Variants in SCHIP1 observed in about 807,000 individuals in gnomAD.
SCHIP1 encodes the protein schwannomin interacting protein 1.
In SCHIP1, 8 loss-of-function variants were observed where a neutral mutation model predicts 29.7. The observed-to-expected ratio is 0.27, with a 90% confidence interval of 0.16 to 0.49. The LOEUF (loss-of-function observed/expected upper bound fraction) is 0.49. Among genes scored for constraint, SCHIP1 ranks in the 20% least tolerant of loss-of-function variants. SCHIP1 has a pLI of 0.99. For synonymous variants in SCHIP1, 76 were observed against 94.9 expected, an observed-to-expected ratio of 0.80 and a Z score of 1.16; for missense variants, 193 against 294.6, an observed-to-expected ratio of 0.66 and a Z score of 2.52.
chr3:159,758,011 G>A, the SCHIP1 span, among the ~76,000 whole-genome samples: 1 of 152,168 alleles, frequency 6.6e-6, no homozygotes, highest in East Asian at 1.9e-4. Flanking sequence ...ATGTATACAT[G>A]AGCTTCCATG....
At chr3:159,550,539 T>A in the SCHIP1 span, among the ~76,000 whole-genome samples, 1 of 152,028 alleles carries the variant, frequency 6.6e-6, no homozygotes, top group Non-Finnish European at 1.5e-5. Flanking sequence ...AGCTTTCTTT[T>A]GCTTAGTGTT....
chr3:159,444,870 G>A, the SCHIP1 span, among the ~76,000 whole-genome samples: 2 of 152,150 alleles, frequency 1.3e-5, no homozygotes, highest in Non-Finnish European at 1.5e-5. Context: ...CAAGGTTTGG[G>A]TCAATTTAAC....
chr3:159,708,813 C>T, the SCHIP1 span, among the ~76,000 whole-genome samples: 2 of 152,204 alleles, frequency 1.3e-5, no homozygotes, highest in African/African-American at 4.8e-5. Flanking sequence ...GAAGTAGGAC[C>T]ACCTAACTGG....
chr3:159,316,607 A>G, the SCHIP1 span, among the ~76,000 whole-genome samples: 6 of 152,188 alleles, frequency 3.9e-5, no homozygotes, highest in African/African-American at 1.4e-4. Context: ...GTCAACTTGA[A>G]CCTGTACACA....
chr3:159,288,796 A>G, the SCHIP1 span, among the ~76,000 whole-genome samples: 4 of 152,194 alleles, frequency 2.6e-5, no homozygotes, highest in Non-Finnish European at 4.4e-5. Context: ...GAATGAAGCA[A>G]CCTCAAAATC....
intron 1 of SCHIP1, 45 bp from the exon 3 acceptor site, chr3:159,866,118 A>C: frequency 6.4e-7 from 1 of 1,572,752 alleles, no homozygotes; most frequent in Non-Finnish European, 8.7e-7. Flanking sequence ...TGGTTGTGCT[A>C]TATCTGCCCA....
chr3:159,273,296 T>C, the SCHIP1 span: 2 of 986,160 alleles, frequency 2.0e-6, no homozygotes, highest in Non-Finnish European at 2.4e-6. Flanking sequence ...TGTGATAATC[T>C]TCAGCAGACC....
chr3:159,321,227 A>G, the SCHIP1 span, among the ~76,000 whole-genome samples: 1 of 152,176 alleles, frequency 6.6e-6, no homozygotes. Context: ...GGCCTCCCAA[A>G]GTGCTGGGAT....
At chr3:159,403,312 C>T in the SCHIP1 span, among the ~76,000 whole-genome samples, 1 of 152,122 alleles carries the variant, frequency 6.6e-6, no homozygotes, top group Non-Finnish European at 1.5e-5. Context: ...CCAAATATCA[C>T]CTTCATAAGA....
At chr3:159,534,191 G>A in the SCHIP1 span, among the ~76,000 whole-genome samples, 5 of 152,242 alleles carry the variant, frequency 3.3e-5, no homozygotes, top group East Asian at 1.9e-4. Context: ...TAGAATTCAA[G>A]CAAGGGTCAG....
the SCHIP1 span, among the ~76,000 whole-genome samples, chr3:159,543,602 T>A: frequency 1.3e-5 from 2 of 151,788 alleles, no homozygotes; most frequent in Non-Finnish European, 2.9e-5. Context: ...CACATTTTCT[T>A]AATCCAGTCT....
the SCHIP1 span, among the ~76,000 whole-genome samples, chr3:159,783,674 C>T: frequency 6.6e-6 from 1 of 152,162 alleles, no homozygotes; most frequent in Admixed American, 6.5e-5. Flanking sequence ...TAGGGAAGTA[C>T]GTGGGAAGAA....
At chr3:159,592,309 A>C in the SCHIP1 span, among the ~76,000 whole-genome samples, 1 of 152,048 alleles carries the variant, frequency 6.6e-6, no homozygotes, top group African/African-American at 2.4e-5. Flanking sequence ...TGGGGAAAGT[A>C]CCTCTGAACG....
At chr3:159,810,325 A>G in the SCHIP1 span, among the ~76,000 whole-genome samples, 1 of 152,206 alleles carries the variant, frequency 6.6e-6, no homozygotes, top group East Asian at 1.9e-4. Flanking sequence ...GATTATAGGC[A>G]TGAGCCACCA....
Position 159,861,926 on chromosome 3 carries a change from T to G in SCHIP1, c.31-4237T>G, listed in dbSNP as rs1249625562. ...ATTAAGGGGGCTGGTGGAAGACATA[T>G]TTGCCTTGCAGGTATAATTCCTCAG... On this transcript the variant is annotated intron_variant, in intron 1 of 6. Coordinates refer to ENST00000445224, the Ensembl canonical transcript of SCHIP1. This position sits in a 1 kb window ranked among gnomAD's most constrained non-coding sequence, Gnocchi z 4.1. Among the ~76,000 whole-genome samples the G allele has an allele frequency of 6.6e-6, 1 of 152,110 alleles. No homozygotes were observed. The highest frequency in any genetic ancestry group is 1.5e-5 in the Non-Finnish European group (1 of 68,012).
At chr3:159,405,851 C>A in the SCHIP1 span, among the ~76,000 whole-genome samples, 1 of 147,678 alleles carries the variant, frequency 6.8e-6, no homozygotes, top group African/African-American at 2.5e-5. Flanking sequence ...CCACTGCTCT[C>A]CAGCCTAGGC....
chr3:159,433,271 CG>C, the SCHIP1 span, among the ~76,000 whole-genome samples: 1 of 152,250 alleles, frequency 6.6e-6, no homozygotes, highest in Admixed American at 6.5e-5. Flanking sequence ...TCATTTTCCA[CG>C]GACAGAAAAG....
the SCHIP1 span, among the ~76,000 whole-genome samples, chr3:159,684,562 T>A: frequency 6.6e-6 from 1 of 151,944 alleles, no homozygotes; most frequent in South Asian, 2.1e-4. Context: ...TCCCAGCACT[T>A]TGGGAGGCAA....
rs144686376 is a variant in SCHIP1 at position 159,895,222 on chromosome 3, T to C, written c.684-1501T>C. 3.8e-3 allele frequency among the ~76,000 whole-genome samples: 577 copies of C among 152,346 alleles called. 4 individuals carry two copies. Among genetic ancestry groups the C allele is most frequent in the African/African-American group, 0.013 (557 of 41,580 alleles). ...GAGCTATCGATAAGGTACTTTTTCCTGAGTACCTTTATTGTTAGTTGAATA... is the reference window on the plus strand; with the variant it reads ...GAGCTATCGATAAGGTACTTTTTCCCGAGTACCTTTATTGTTAGTTGAATA... On this transcript the variant is annotated intron_variant, in intron 6 of 6. Coordinates refer to ENST00000445224, the Ensembl canonical transcript of SCHIP1.
Sources: gnomAD v4.1 joint callset for allele counts (sites outside exome capture counted in the v4.1 genomes callset) on GRCh38, gnomAD v4.1.1 for gene constraint, Gnocchi (gnomAD v3.1) non-coding constraint, MANE v1.5 for transcripts, NCBI Gene and HGNC (gene_info 2026-07-23, HGNC 2026-07-21) for gene names.